SLC39A10: variants seen among roughly 807,000 people sequenced by gnomAD.
The protein encoded by SLC39A10 is solute carrier family 39 member 10.
Under a neutral mutation model 65.1 loss-of-function variants are expected in SLC39A10, and 13 were observed. The ratio of observed to expected loss-of-function variants is 0.20; its 90% CI spans 0.13 to 0.32. SLC39A10 has a LOEUF of 0.32. Among genes scored for constraint, SLC39A10 ranks in the 10% least tolerant of loss-of-function variants. The probability of loss-of-function intolerance (pLI) is 1.00; values close to 1 mark genes in which losing one functional copy is unlikely to be tolerated. For missense variants in SLC39A10, 831 were observed against 1,018.4 expected, an observed-to-expected ratio of 0.82 and a Z score of 2.50; for synonymous variants, 321 against 342.2, an observed-to-expected ratio of 0.94 and a Z score of 0.68.
chr2:195,696,791 A>G (rs1419275253), intron 3 of SLC39A10, among the ~76,000 whole-genome samples: 1 of 152,144 alleles, frequency 6.6e-6, no homozygotes, highest in Non-Finnish European at 1.5e-5. Flanking sequence ...TAGAGAAAAG[A>G]AAATATATTA....
chr2:195,637,588 T>C (rs1183929195), intron 2 of SLC39A10, among the ~76,000 whole-genome samples: 1 of 152,192 alleles, frequency 6.6e-6, no homozygotes, highest in Admixed American at 6.5e-5. Context: ...ATAATGGTGG[T>C]CAAGAAAACA....
At chr2:195,672,323 C>G (rs1234542276) in intron 1 of SLC39A10, among the ~76,000 whole-genome samples, 2 of 151,934 alleles carry the variant, frequency 1.3e-5, no homozygotes, top group Non-Finnish European at 1.5e-5. Context: ...TAGAGATAAG[C>G]TCTCAGTATG....
intron 3 of SLC39A10, among the ~76,000 whole-genome samples, chr2:195,685,776 T>A (rs1690502061): frequency 6.6e-6 from 1 of 152,244 alleles, no homozygotes; most frequent in South Asian, 2.1e-4. Flanking sequence ...TGAATTAATC[T>A]GTTTTTGTTG....
chr2:195,626,265 C>G (rs1034763968), intron 2 of SLC39A10, among the ~76,000 whole-genome samples: 1 of 152,172 alleles, frequency 6.6e-6, no homozygotes, highest in Non-Finnish European at 1.5e-5. Flanking sequence ...GATTAAAAGT[C>G]TCTGAGATCT....
chr2:195,638,796 TGTA>T (rs917147259), intron 2 of SLC39A10, among the ~76,000 whole-genome samples: 2 of 152,204 alleles, frequency 1.3e-5, no homozygotes, highest in African/African-American at 4.8e-5. Context: ...AACTAAAGAC[TGTA>T]GTTTATTCAG....
chr2:195,686,032 C>T (rs950556959), intron 3 of SLC39A10, among the ~76,000 whole-genome samples: 13 of 152,050 alleles, frequency 8.5e-5, no homozygotes, highest in African/African-American at 3.1e-4. Context: ...AAAACTATGA[C>T]GGAATTACTG....
At chr2:195,704,624 A>T (rs951271236) in intron 3 of SLC39A10, among the ~76,000 whole-genome samples, 1 of 152,188 alleles carries the variant, frequency 6.6e-6, no homozygotes, top group African/African-American at 2.4e-5. Context: ...AAACGGGACA[A>T]ACAAACTAGC....
intron 3 of SLC39A10, among the ~76,000 whole-genome samples, chr2:195,691,178 T>C (rs1225120412): frequency 3.3e-5 from 5 of 152,202 alleles, no homozygotes; most frequent in Non-Finnish European, 5.9e-5. Flanking sequence ...CAAATGCCAT[T>C]GTTTTATTTC....
chr2:195,670,302 G>A (rs1689806561), intron 1 of SLC39A10: 1 of 148,860 alleles, frequency 6.7e-6, no homozygotes, highest in Admixed American at 6.7e-5. Flanking sequence ...TGTATACATT[G>A]TGGAATGTCT....
At chr2:195,715,113 G>A (rs1264583666) in intron 6 of SLC39A10, among the ~76,000 whole-genome samples, 1 of 152,076 alleles carries the variant, frequency 6.6e-6, no homozygotes, top group Non-Finnish European at 1.5e-5. Context: ...TTAAAAAACA[G>A]CATGTATAAA....
intron 2 of SLC39A10, among the ~76,000 whole-genome samples, chr2:195,643,305 A>G (rs1688846479): frequency 6.6e-6 from 1 of 152,206 alleles, no homozygotes; most frequent in African/African-American, 2.4e-5. Context: ...AGTGTAGAAA[A>G]GTCTTCTTGG....
chr2:195,707,944 G>T (rs1691465979), intron 4 of SLC39A10, among the ~76,000 whole-genome samples: 2 of 152,102 alleles, frequency 1.3e-5, no homozygotes, highest in Admixed American at 1.3e-4. Context: ...TTACTGTTGT[G>T]ATACTTGTAC....
intron 6 of SLC39A10, among the ~76,000 whole-genome samples, chr2:195,714,082 A>G (rs1691699058): frequency 6.6e-6 from 1 of 151,794 alleles, no homozygotes; most frequent in Admixed American, 6.6e-5. Context: ...GCCCACCACC[A>G]CGCCTGGCTA....
intron 3 of SLC39A10, among the ~76,000 whole-genome samples, chr2:195,697,743 A>G (rs1691022264): frequency 6.6e-6 from 1 of 152,212 alleles, no homozygotes; most frequent in East Asian, 1.9e-4. Context: ...AAACGACCCC[A>G]TTAAAAAGTG....
In SLC39A10 at chr2:195,708,802, T is replaced by C. The variant is rs769848509; in HGVS notation, c.1533T>C (p.Ile511=). The C allele has an allele frequency of 6.2e-7, 1 of 1,612,834 alleles. No individual in the cohort carries two copies. ...ALGGIYLLFI[I]EHCIRMFKHY... Reference sequence around the variant, plus strand: ...GAGGCATTTACTTGCTATTTATCATTGAACACTGCATTAGAATGTTTAAGC... The same window carrying C: ...GAGGCATTTACTTGCTATTTATCATCGAACACTGCATTAGAATGTTTAAGC... Residue 511 remains isoleucine (I), a synonymous_variant, in exon 5 of 10, where the codon ATT becomes ATC. Transcript: ENST00000359634.
rs887316759 is a variant in SLC39A10 at position 195,680,588 on chromosome 2, T to C, written c.546T>C (p.His182=). 3 of 1,614,066 alleles carry C rather than the reference T, an allele frequency of 1.9e-6. No individual in the cohort carries two copies. The highest frequency in any genetic ancestry group is 2.7e-5 in the African/African-American group (2 of 74,920). ...HDHNHRLRHH[H]RLHHHLDHNN... ...ATAATCACCGCCTACGTCATCACCA[T>C]CGTTTGCATCATCATCTTGATCATA... The change falls in exon 2 of 10, where the codon CAT becomes CAC. Residue 182 remains histidine, a synonymous_variant. Coordinates refer to ENST00000359634, the MANE Select transcript of SLC39A10 (RefSeq NM_020342.3).
chr2:195,675,494 G>T (rs1459707903), intron 1 of SLC39A10, among the ~76,000 whole-genome samples: 1 of 152,172 alleles, frequency 6.6e-6, no homozygotes, highest in Non-Finnish European at 1.5e-5. Flanking sequence ...GGAGTGCAGT[G>T]GCGTGATCTC....
intron 2 of SLC39A10, among the ~76,000 whole-genome samples, chr2:195,617,241 C>G (rs1159597521): frequency 1.3e-5 from 2 of 152,046 alleles, no homozygotes; most frequent in Non-Finnish European, 2.9e-5. Flanking sequence ...CATTTGCTGT[C>G]CAAATATCTT....
rs1692312988 is a variant in SLC39A10, at chr2:195,728,199, G to A, written c.2187G>A (p.Lys729=). ...AVLLKAGMTV[K]QAIVYNLLSA... ...TTCTTAAAGCAGGCATGACTGTAAA[G>A]CAAGCAATTGTATACAACCTCCTCT... The change falls in exon 9 of 10, where the codon AAG becomes AAA. Residue 729 remains lysine, a synonymous_variant. Transcript: ENST00000359634. The surrounding 1 kb of genome is among the most constrained non-coding windows in gnomAD (Gnocchi z 4.4). 5 of 1,613,680 alleles carry A rather than the reference G, an allele frequency of 3.1e-6. 1 individual carries two copies. In the South Asian group the frequency reaches 4.4e-5, roughly 14 times the overall value.
Sources: allele counts gnomAD v4.1 joint callset (sites outside exome capture counted in the v4.1 genomes callset), GRCh38; gene constraint gnomAD v4.1.1; non-coding constraint Gnocchi (gnomAD v3.1); transcripts MANE v1.5; gene names NCBI Gene and HGNC (gene_info 2026-07-23, HGNC 2026-07-21).